ERCC6: variants seen among roughly 807,000 people sequenced by gnomAD.
ERCC6 encodes DNA excision repair protein ERCC-6.
In ERCC6, 116 loss-of-function variants were observed where a neutral mutation model predicts 158.7. That is an observed-to-expected ratio of 0.73 (90% CI 0.63 to 0.85). The LOEUF (loss-of-function observed/expected upper bound fraction) is 0.85, where lower values mean the gene tolerates loss of function less well. Among genes scored for constraint, ERCC6 ranks in the 40% least tolerant of loss-of-function variants. The pLI, the probability that ERCC6 is intolerant of heterozygous loss-of-function variation, is 0.00. For missense variants in ERCC6, 1,698 were observed against 1,799.4 expected (o/e 0.94, Z 1.02); for synonymous variants, 678 against 659.3 (o/e 1.03, Z -0.43).
intron 1 of ERCC6, among the ~76,000 whole-genome samples, chr10:49,538,476 C>G (rs1837655227): frequency 6.6e-6 from 1 of 152,194 alleles, no homozygotes; most frequent in South Asian, 2.1e-4. Context: ...AAAGCGAGGG[C>G]TGCCTGTCAC....
chr10:49,472,545 A>G, intron 15 of ERCC6, 75 bp from the exon 16 acceptor site: 1 of 1,467,924 alleles, frequency 6.8e-7, no homozygotes, highest in Non-Finnish European at 9.5e-7. Context: ...AAACAAAGCT[A>G]GCTGGTCACT....
intron 8 of ERCC6, among the ~76,000 whole-genome samples, chr10:49,484,311 T>C (rs990179911): frequency 2.2e-5 from 3 of 138,600 alleles, no homozygotes; most frequent in Non-Finnish European, 4.7e-5. Flanking sequence ...AAAAAGAAAA[T>C]GTTAGAAAAC....
chr10:49,500,269 G>A (rs182468745), intron 7 of ERCC6, among the ~76,000 whole-genome samples: 6 of 152,152 alleles, frequency 3.9e-5, no homozygotes, highest in Non-Finnish European at 5.9e-5. Context: ...CTTAGACATC[G>A]TATTGACCCA....
chr10:49,479,350 T>G lies in ERCC6; in HGVS notation c.2170-880A>C, dbSNP rs572805066. On this transcript the variant is annotated intron_variant, in intron 10 of 20. Coordinates refer to ENST00000355832, the MANE Select transcript of ERCC6 (RefSeq NM_000124.4). ...AGAAAAAAAAGTTAAAAAATTAACTTGTTAAAAAATGTTCTTAAAGAACGC... is the reference window on the plus strand; with the variant it reads ...AGAAAAAAAAGTTAAAAAATTAACTGGTTAAAAAATGTTCTTAAAGAACGC... 5.1e-4 allele frequency among the ~76,000 whole-genome samples: 78 copies of G among 152,226 alleles called. 1 individual carries two copies. Among genetic ancestry groups the G allele is most frequent in the Middle Eastern group, 3.4e-3 (1 of 294 alleles).
intron 2 of ERCC6, 25 bp from the exon 3 acceptor site, chr10:49,530,865 T>A: frequency 6.2e-7 from 1 of 1,610,878 alleles, no homozygotes; most frequent in Non-Finnish European, 8.5e-7. Flanking sequence ...AAATTGTCTA[T>A]TTTGCACTCT....
intron 5 of ERCC6, among the ~76,000 whole-genome samples, chr10:49,518,327 G>A (rs1266923801): frequency 6.6e-6 from 1 of 152,200 alleles, no homozygotes; most frequent in African/African-American, 2.4e-5. Context: ...AAACCAAGCT[G>A]CGAGATCACT....
intron 9 of ERCC6, 140 bp downstream of exon 9, chr10:49,483,206 A>T: frequency 1.1e-6 from 1 of 903,892 alleles, no homozygotes; most frequent in Non-Finnish European, 1.7e-6. Context: ...TTTCTGCATT[A>T]AGGAAAATGC....
At chr10:49,516,100 G>A in intron 5 of ERCC6, 1 of 1,614,110 alleles carries the variant, frequency 6.2e-7, no homozygotes, top group South Asian at 1.1e-5. Flanking sequence ...GCCTCTGTAA[G>A]TGCCTCACTA....
chr10:49,435,109 T>TGGTA, the ERCC6 span, among the ~76,000 whole-genome samples: 1 of 152,178 alleles, frequency 6.6e-6, no homozygotes, highest in African/African-American at 2.4e-5. Flanking sequence ...CATGTGATCA[T>TGGTA]GGGAACAATT....
At chr10:49,516,716 G>A (rs747294096) in intron 5 of ERCC6, 26 of 1,613,948 alleles carry the variant, frequency 1.6e-5, no homozygotes, top group South Asian at 3.3e-5. Context: ...TGAAGAAATC[G>A]TTTGGTGGTG....
intron 2 of ERCC6, among the ~76,000 whole-genome samples, chr10:49,531,593 T>C (rs1391017379): frequency 2.0e-5 from 3 of 152,170 alleles, no homozygotes; most frequent in African/African-American, 4.8e-5. Context: ...AGAGGACACA[T>C]TTCCAAGATC....
rs1261777185 is a variant in ERCC6 at position 49,516,255 on chromosome 10, C to T, written c.1397+7778G>A. Reference sequence around the variant, plus strand: ...ATAGCCAAACCGAATGGGCTTTCCCCGAATAAATTGTTTGCACCCGTGACG... The same window carrying T: ...ATAGCCAAACCGAATGGGCTTTCCCTGAATAAATTGTTTGCACCCGTGACG... On this transcript the variant is annotated intron_variant, in intron 5 of 20. Transcript: ENST00000355832. 2 of 1,614,114 alleles carry T rather than the reference C, an allele frequency of 1.2e-6. No homozygotes were observed. Among genetic ancestry groups the T allele is most frequent in the African/African-American group, 1.3e-5 (1 of 75,020 alleles).
At chr10:49,462,715 G>A (rs1850604906) in intron 18 of ERCC6, among the ~76,000 whole-genome samples, 1 of 152,022 alleles carries the variant, frequency 6.6e-6, no homozygotes, top group African/African-American at 2.4e-5. Context: ...AATATAAATG[G>A]TCCTATAAAA....
chr10:49,468,740 C>T (rs1022749783), intron 18 of ERCC6, among the ~76,000 whole-genome samples: 3 of 152,150 alleles, frequency 2.0e-5, no homozygotes, highest in Non-Finnish European at 2.9e-5. Context: ...TCTGAGAACC[C>T]GGATCCTAGT....
rs1413622056 is a variant in ERCC6, at chr10:49,457,303, T to C, written c.*1512A>G. On this transcript the variant is annotated 3_prime_UTR_variant, in exon 21 of 21. Coordinates refer to ENST00000355832, the MANE Select transcript of ERCC6 (RefSeq NM_000124.4). ...TGACAAAAATAATGTAATCATCTTC[T>C]TCCCTCATTATATATAAACCAAACT... The C allele has an allele frequency of 6.6e-6, 1 of 152,142 alleles. No homozygotes were observed. The highest frequency in any genetic ancestry group is 1.9e-4 in the East Asian group (1 of 5,202). 9.4% of individuals were successfully genotyped at this position (152,142 alleles called of 1,614,324 possible).
intron 3 of ERCC6, among the ~76,000 whole-genome samples, chr10:49,530,380 T>C (rs1378799046): frequency 6.6e-6 from 1 of 152,216 alleles, no homozygotes; most frequent in Non-Finnish European, 1.5e-5. Flanking sequence ...ATTTTGACTT[T>C]AAGATAGGTT....
At chr10:49,515,530 G>C in intron 5 of ERCC6, 1 of 1,614,098 alleles carries the variant, frequency 6.2e-7, no homozygotes, top group Non-Finnish European at 8.5e-7. Context: ...TCTGGAGGAT[G>C]ACCATGGGTC....
chr10:49,507,819 C>T (rs577063024), intron 5 of ERCC6, among the ~76,000 whole-genome samples: 1 of 152,238 alleles, frequency 6.6e-6, no homozygotes, highest in South Asian at 2.1e-4. Flanking sequence ...AGCCCCCAAA[C>T]CCCTCGGTAA....
Position 49,455,929 on chromosome 10 carries a change from G to A in ERCC6, c.*2886C>T, listed in dbSNP as rs1429573764. ...AGAAATGGGTCCTTTTATGGAGGGT[G>A]AATTGATGCAAGCAATTCTGCTACA... On this transcript the variant is annotated 3_prime_UTR_variant, in exon 21 of 21. Transcript: ENST00000355832. 1 of 152,172 alleles carries A rather than the reference G, an allele frequency of 6.6e-6. No individual in the cohort carries two copies. The highest frequency in any genetic ancestry group is 1.5e-5 in the Non-Finnish European group (1 of 68,030). The allele number at this position is 152,172 out of a possible 1,614,324, so 9.4% of individuals were successfully genotyped here.
Sources: allele counts gnomAD v4.1 joint callset (sites outside exome capture counted in the v4.1 genomes callset), GRCh38; gene constraint gnomAD v4.1.1; transcripts MANE v1.5; gene names NCBI Gene and HGNC (gene_info 2026-07-23, HGNC 2026-07-21).